The following OCLN variants were observed in gnomAD, a reference collection of about 807,000 sequenced individuals.
The protein encoded by OCLN is occludin.
OCLN carries 21 observed loss-of-function variants against 47.9 expected under a neutral mutation model. The ratio of observed to expected loss-of-function variants is 0.44; its 90% CI spans 0.31 to 0.63. The LOEUF (loss-of-function observed/expected upper bound fraction) is 0.63, where lower values mean the gene tolerates loss of function less well. Ranked by LOEUF, OCLN falls within the 30% of genes least tolerant of loss-of-function variation. The pLI, the probability that OCLN is intolerant of heterozygous loss-of-function variation, is 0.08. For synonymous variants in OCLN, 117 were observed against 198.4 expected (o/e 0.59, Z 3.45); for missense variants, 360 against 571.0 (o/e 0.63, Z 3.77).
In OCLN at chr5:69,509,196, C is replaced by T. The variant is rs373915080; in HGVS notation, c.106C>T (p.Arg36Ter). 1.2e-5 allele frequency: 19 copies of T among 1,614,090 alleles called. No individual in the cohort carries two copies. In the Admixed American group the frequency reaches 1.3e-4, roughly 11 times the overall value. ...CATATATGGTGGAGAGATGCATGTT[C>T]GACCAATGCTCTCTCAGCCAGCCTA... ...NDIYGGEMHV[R>*]PMLSQPAYSF... Residue 36 changes from arginine (R) to a stop codon, truncating the protein, a stop_gained, in exon 3 of 9, where the codon CGA becomes TGA. Transcript: ENST00000396442. LOFTEE classifies it high-confidence loss of function.
At chr5:69,507,867 G>A (rs1768652027) in intron 2 of OCLN, among the ~76,000 whole-genome samples, 1 of 151,986 alleles carries the variant, frequency 6.6e-6, no homozygotes, top group Non-Finnish European at 1.5e-5. Context: ...CGGCCTCCCA[G>A]AGTGCTGGGA....
At chr5:69,516,886 G>A (rs1768987166) in intron 4 of OCLN, among the ~76,000 whole-genome samples, 1 of 151,820 alleles carries the variant, frequency 6.6e-6, no homozygotes, top group South Asian at 2.1e-4. Context: ...ATGGGACCCT[G>A]TCTCTACAAA....
intron 1 of OCLN, among the ~76,000 whole-genome samples, chr5:69,498,076 G>A (rs1352257518): frequency 1.3e-5 from 2 of 151,662 alleles, no homozygotes; most frequent in African/African-American, 2.4e-5. Flanking sequence ...AGCTTGCAGT[G>A]AGCCGAGATC....
At position 69,553,767 on chromosome 5, in the gene OCLN, A is replaced by G. The variant is rs1769898495; in HGVS notation, c.*96A>G. On this transcript the variant is annotated 3_prime_UTR_variant, in exon 9 of 9. Transcript: ENST00000396442. ...CTTTGGACCATAACCCCGGAAGCCA[A>G]ACCTCTGTGAGCATCACAAAGTTTT... is the stretch of plus-strand genomic sequence containing the variant. 2.5e-5 allele frequency: 39 copies of G among 1,584,196 alleles called. 1 individual carries two copies. The South Asian group carries it at 4.3e-4, about 17-fold the overall frequency.
At position 69,509,707 on chromosome 5, in the gene OCLN, C is replaced by T; in HGVS notation, c.617C>T (p.Ser206Phe). The T allele has an allele frequency of 6.2e-7, 1 of 1,614,094 alleles. No homozygotes were observed. The highest frequency in any genetic ancestry group is 8.5e-7 in the Non-Finnish European group (1 of 1,179,950). ...AACCCAACTGCTCAGTCTTCTGGATCTCTATATGGTTCACAAATATATGCC... is the reference window on the plus strand; with the variant it reads ...AACCCAACTGCTCAGTCTTCTGGATTTCTATATGGTTCACAAATATATGCC... ...GVNPTAQSSG[S>F]LYGSQIYALC... Residue 206 changes from serine (S) to phenylalanine (F), a missense_variant, in exon 3 of 9, where the codon TCT (serine) becomes TTT (phenylalanine). Ser to Phe is a radical substitution (Grantham distance 155). Transcript: ENST00000396442.
intron 4 of OCLN, among the ~76,000 whole-genome samples, chr5:69,519,119 CAG>C (rs1190122988): frequency 1.3e-5 from 2 of 152,080 alleles, no homozygotes; most frequent in Non-Finnish European, 2.9e-5. Flanking sequence ...GCCTGGGTGA[CAG>C]AGTGAGACCC....
At chr5:69,506,969 G>A (rs1015205315) in intron 2 of OCLN, among the ~76,000 whole-genome samples, 6 of 152,134 alleles carry the variant, frequency 3.9e-5, no homozygotes, top group Non-Finnish European at 1.5e-5. Context: ...GAAAGACCAA[G>A]CAAACATACA....
At position 69,534,923 on chromosome 5, in the gene OCLN, A is replaced by G. The variant is rs1769541101; in HGVS notation, c.1037+84A>G. The G allele has an allele frequency of 1.8e-5, 28 of 1,518,592 alleles. 1 individual carries two copies. The highest frequency in any genetic ancestry group is 8.6e-5 in the Admixed American group (5 of 58,394). The allele number at this position is 1,518,592 out of a possible 1,614,324, so 94.1% of individuals were successfully genotyped here. A position where few individuals can be genotyped will look rare whatever the true frequency, so the allele number is the denominator to read the frequency against. ...ATTGGTTTTTGTGCCTTTCTGCTTA[A>G]AAAAAATATCCAGCAGTGCACACAA... On this transcript the variant is annotated intron_variant, in intron 5 of 8. Transcript: ENST00000396442.
intron 4 of OCLN, among the ~76,000 whole-genome samples, chr5:69,533,943 A>T (rs925809284): frequency 2.6e-5 from 4 of 152,216 alleles, no homozygotes; most frequent in African/African-American, 9.6e-5. Context: ...TACAGGCGTG[A>T]GCCACCGCGC....
intron 3 of OCLN, among the ~76,000 whole-genome samples, chr5:69,512,572 A>G (rs1264100203): frequency 6.6e-6 from 1 of 152,206 alleles, no homozygotes; most frequent in Non-Finnish European, 1.5e-5. Context: ...CAGCATGTCA[A>G]TTTTGGAAAA....
At chr5:69,508,990 TTA>T in intron 2 of OCLN, 149 bp from the exon 3 acceptor site, 1 of 712,922 alleles carries the variant, frequency 1.4e-6, no homozygotes, top group Non-Finnish European at 2.4e-6. Flanking sequence ...GCCAATAATC[TTA>T]TGTTTTAACA....
chr5:69,521,763 T>C (rs774676874), intron 4 of OCLN, among the ~76,000 whole-genome samples: 26 of 152,384 alleles, frequency 1.7e-4, no homozygotes, highest in Non-Finnish European at 3.2e-4. Context: ...GGTTATTATC[T>C]GTCATTAATT....
intron 2 of OCLN, among the ~76,000 whole-genome samples, chr5:69,507,087 C>A (rs1277454055): frequency 1.3e-5 from 2 of 152,192 alleles, no homozygotes; most frequent in Non-Finnish European, 1.5e-5. Flanking sequence ...CTGCTTTTAT[C>A]ATTTTATCAT....
intron 4 of OCLN, among the ~76,000 whole-genome samples, chr5:69,522,613 C>T (rs937413083): frequency 6.6e-6 from 1 of 152,002 alleles, no homozygotes; most frequent in Non-Finnish European, 1.5e-5. Context: ...TGGACCACCC[C>T]CCTTGTTTTT....
intron 4 of OCLN, among the ~76,000 whole-genome samples, chr5:69,520,908 C>T (rs757196863): frequency 4.6e-5 from 7 of 152,098 alleles, no homozygotes; most frequent in African/African-American, 1.7e-4. Context: ...AGTGCAATGG[C>T]GCAATCTCAG....
intron 4 of OCLN, among the ~76,000 whole-genome samples, chr5:69,517,905 T>C (rs73772568): frequency 0.028 from 4,196 of 152,298 alleles, 179 homozygotes; most frequent in African/African-American, 0.096. Flanking sequence ...TTATGAGCTA[T>C]GAAGTAAATG....
intron 4 of OCLN, among the ~76,000 whole-genome samples, chr5:69,515,839 C>T (rs1385644782): frequency 1.3e-5 from 2 of 150,000 alleles, no homozygotes; most frequent in East Asian, 2.0e-4. Flanking sequence ...TGGGTAGAGG[C>T]GCTCCTCACA....
At chr5:69,528,943 A>T (rs1392888249) in intron 4 of OCLN, among the ~76,000 whole-genome samples, 1 of 152,206 alleles carries the variant, frequency 6.6e-6, no homozygotes, top group Non-Finnish European at 1.5e-5. Context: ...AAAAATGAGG[A>T]TTAGCTATAA....
chr5:69,502,805 GCCCATGGATCCA>G (rs1768496841), intron 1 of OCLN, among the ~76,000 whole-genome samples: 1 of 152,118 alleles, frequency 6.6e-6, no homozygotes, highest in Admixed American at 6.5e-5. Flanking sequence ...AGCTCTCAGT[GCCCATGGATCCA>G]CCTACGGACG....
Sources: gnomAD v4.1 joint callset for allele counts (sites outside exome capture counted in the v4.1 genomes callset) on GRCh38, gnomAD v4.1.1 for gene constraint, MANE v1.5 for transcripts, NCBI Gene and HGNC (gene_info 2026-07-23, HGNC 2026-07-21) for gene names.